Variants in PPP1R1C observed in about 807,000 individuals in gnomAD.
PPP1R1C encodes the protein protein phosphatase 1 regulatory inhibitor subunit 1C.
PPP1R1C carries 15 observed loss-of-function variants against 17.4 expected under a neutral mutation model. The observed-to-expected ratio is 0.86, with a 90% CI of 0.58 to 1.33. The LOEUF (loss-of-function observed/expected upper bound fraction) is 1.33, where lower values mean the gene tolerates loss of function less well. Among genes scored for constraint, PPP1R1C ranks in the 40% most tolerant of loss-of-function variants. The pLI is 0.00. For missense variants in PPP1R1C, 143 were observed against 130.0 expected (o/e 1.10, Z -0.48); for synonymous variants, 35 against 43.1 (o/e 0.81, Z 0.73).
chr2:181,981,545 CTTATA>C (rs942442716), upstream of PPP1R1C, among the ~76,000 whole-genome samples: 2 of 152,098 alleles, frequency 1.3e-5, no homozygotes, highest in Non-Finnish European at 2.9e-5. Flanking sequence ...GTTCATTTCA[CTTATA>C]TTACTGGGAT....
At chr2:182,117,019 G>A (rs1183190680) in intron 4 of PPP1R1C, among the ~76,000 whole-genome samples, 188 bp from the exon 5 acceptor site, 1 of 152,140 alleles carries the variant, frequency 6.6e-6, no homozygotes, top group Non-Finnish European at 1.5e-5. Flanking sequence ...TGGAAATTCA[G>A]CTGGGTATGT....
intron 4 of PPP1R1C, among the ~76,000 whole-genome samples, chr2:182,089,034 T>C (rs1197285827): frequency 6.6e-6 from 1 of 152,188 alleles, no homozygotes; most frequent in Non-Finnish European, 1.5e-5. Flanking sequence ...GACCTTCTTT[T>C]ATCTAGACAG....
At chr2:182,034,862 T>A (rs1686954966) in intron 2 of PPP1R1C, among the ~76,000 whole-genome samples, 1 of 152,216 alleles carries the variant, frequency 6.6e-6, no homozygotes, top group African/African-American at 2.4e-5. Context: ...GTTCACATCA[T>A]TTATCATGGT....
chr2:182,090,888 T>G (rs1005570309), intron 4 of PPP1R1C, among the ~76,000 whole-genome samples: 7 of 152,144 alleles, frequency 4.6e-5, no homozygotes, highest in African/African-American at 1.7e-4. Flanking sequence ...CTTAAAAACA[T>G]AAAAACTTTA....
At chr2:181,994,771 A>G (rs1685567878) in intron 2 of PPP1R1C, among the ~76,000 whole-genome samples, 1 of 152,212 alleles carries the variant, frequency 6.6e-6, no homozygotes, top group Non-Finnish European at 1.5e-5. Context: ...CCATGATACA[A>G]TTGTAATAAC....
chr2:182,126,181 A>G (rs1216816651), intron 5 of PPP1R1C, among the ~76,000 whole-genome samples: 3 of 152,168 alleles, frequency 2.0e-5, no homozygotes, highest in South Asian at 4.1e-4. Flanking sequence ...AAAAGTCTTT[A>G]TATGTTTTTT....
chr2:182,043,241 A>G (rs914283611), intron 2 of PPP1R1C, among the ~76,000 whole-genome samples: 17 of 152,134 alleles, frequency 1.1e-4, no homozygotes, highest in South Asian at 2.1e-4. Context: ...TGTCTGGATT[A>G]TTTTCTTAAA....
chr2:181,960,154 G>A (rs1413194261), intron 1 of PPP1R1C, among the ~76,000 whole-genome samples: 4 of 152,178 alleles, frequency 2.6e-5, no homozygotes, highest in East Asian at 1.9e-4. Flanking sequence ...TCAGAGATTT[G>A]TAGAGTTAGC....
intron 4 of PPP1R1C, among the ~76,000 whole-genome samples, chr2:182,113,408 A>G (rs754937283): frequency 2.6e-5 from 4 of 152,200 alleles, no homozygotes; most frequent in Non-Finnish European, 4.4e-5. Context: ...CAGAAAAGTG[A>G]TGTCATAAAA....
chr2:182,124,314 G>GTTTTTTTTTTTGT (rs1689812959), intron 5 of PPP1R1C, among the ~76,000 whole-genome samples: 2 of 42,078 alleles, frequency 4.8e-5, no homozygotes, highest in East Asian at 7.1e-4. Flanking sequence ...GTTTTTTTTT[G>GTTTTTTTTTTTGT]TTTTTTTTTT....
intron 4 of PPP1R1C, among the ~76,000 whole-genome samples, chr2:182,081,423 G>T (rs1437441284): frequency 1.3e-5 from 2 of 152,102 alleles, no homozygotes; most frequent in African/African-American, 4.8e-5. Context: ...CATTGCAGTT[G>T]CAGTAGTTAT....
chr2:181,981,634 A>G (rs1045722181), upstream of PPP1R1C, among the ~76,000 whole-genome samples: 1 of 152,162 alleles, frequency 6.6e-6, no homozygotes, highest in Non-Finnish European at 1.5e-5. Flanking sequence ...TAATATTAAT[A>G]TGAAGGTTTT....
chr2:182,110,570 C>T (rs190173512), intron 4 of PPP1R1C, among the ~76,000 whole-genome samples: 95 of 152,150 alleles, frequency 6.2e-4, no homozygotes, highest in Middle Eastern at 3.4e-3. Flanking sequence ...AGGGAAGTAC[C>T]CTGCCCAGAG....
At chr2:182,096,623 A>G (rs1240975517) in intron 4 of PPP1R1C, among the ~76,000 whole-genome samples, 1 of 152,154 alleles carries the variant, frequency 6.6e-6, no homozygotes, top group Non-Finnish European at 1.5e-5. Flanking sequence ...TAAATAGGCC[A>G]AGCAGCTTTT....
In PPP1R1C at chr2:181,976,826, G is replaced by A. The variant is rs1237677731; in HGVS notation, n.157+1562G>A. 6.6e-6 allele frequency among the ~76,000 whole-genome samples: 1 copy of A among 151,980 alleles called. No individual in the cohort carries two copies. Among genetic ancestry groups the A allele is most frequent in the African/African-American group, 2.4e-5 (1 of 41,390 alleles). On this transcript the variant is annotated intron_variant and non_coding_transcript_variant, in intron 2 of 5. Coordinates refer to the PPP1R1C transcript ENST00000464264. This position sits in a 1 kb window ranked among gnomAD's most constrained non-coding sequence, Gnocchi z 4.8. Reference sequence around the variant, plus strand: ...AGGAGGCTTTCTTTTAACTGTCAAGGTGTTTTTTAAAGAACTTGCCTAAAT... The same window carrying A: ...AGGAGGCTTTCTTTTAACTGTCAAGATGTTTTTTAAAGAACTTGCCTAAAT...
chr2:182,105,438 T>C (rs1274619447), intron 4 of PPP1R1C, among the ~76,000 whole-genome samples: 1 of 151,820 alleles, frequency 6.6e-6, no homozygotes, highest in East Asian at 1.9e-4. Context: ...TACAGAGAGG[T>C]GGATTTTTAT....
intron 3 of PPP1R1C, among the ~76,000 whole-genome samples, chr2:182,062,750 C>G (rs1040739210): frequency 3.9e-5 from 6 of 152,132 alleles, no homozygotes; most frequent in Admixed American, 3.9e-4. Context: ...GCTCTATTTA[C>G]AACTTTGTAA....
chr2:182,117,474 C>T lies in PPP1R1C; in HGVS notation c.*179C>T. On this transcript the variant is annotated 3_prime_UTR_variant, in exon 5 of 5. Transcript: ENST00000682840. The stretch of plus-strand genomic sequence containing the variant: ...TGACTGAACTTTAGAACTAAGTACA[C>T]ATTGTTCCACATCACTTATAATTAA... The T allele has an allele frequency of 2.0e-6, 1 of 505,344 alleles. No homozygotes were observed. Among genetic ancestry groups the T allele is most frequent in the Non-Finnish European group, 3.5e-6 (1 of 281,778 alleles). 31.3% of individuals were successfully genotyped at this position (505,344 alleles called of 1,614,324 possible).
At position 182,023,526 on chromosome 2, in the gene PPP1R1C, G is replaced by A. The variant is rs552732380; in HGVS notation, c.142+35627G>A. On this transcript the variant is annotated intron_variant, in intron 2 of 4. Transcript: ENST00000682840. ...GAAAACAACAAAAACAAATTATATA[G>A]TATCAAATTTTAAACTATAATACTG... is the stretch of plus-strand genomic sequence containing the variant. Among the ~76,000 whole-genome samples, 82 of 152,244 alleles carry A rather than the reference G, an allele frequency of 5.4e-4. 1 individual carries two copies. The highest frequency in any genetic ancestry group is 1.9e-3 in the African/African-American group (77 of 41,552).
Sources: gnomAD v4.1 joint callset for allele counts (sites outside exome capture counted in the v4.1 genomes callset) on GRCh38, gnomAD v4.1.1 for gene constraint, Gnocchi (gnomAD v3.1) non-coding constraint, MANE v1.5 for transcripts, NCBI Gene and HGNC (gene_info 2026-07-23, HGNC 2026-07-21) for gene names.